RYR2: variants seen among roughly 807,000 people sequenced by gnomAD.
RYR2 encodes cardiac muscle ryanodine receptor-calcium release channel.
In RYR2, 227 loss-of-function variants were observed where a neutral mutation model predicts 601.1. That is an observed-to-expected ratio of 0.38 (90% CI 0.34 to 0.42). The LOEUF is 0.42. Among genes scored for constraint, RYR2 ranks in the 10% least tolerant of loss-of-function variants. The pLI, the probability that RYR2 is intolerant of heterozygous loss-of-function variation, is 1.00. For missense variants in RYR2, 4,646 were observed against 6,156.5 expected, an observed-to-expected ratio of 0.75 and a Z score of 8.21; for synonymous variants, 2,223 against 2,175.1, an observed-to-expected ratio of 1.02 and a Z score of -0.61.
At chr1:237,488,896 G>A (rs778104138) in intron 17 of RYR2, among the ~76,000 whole-genome samples, 12 of 152,118 alleles carry the variant, frequency 7.9e-5, no homozygotes, top group Non-Finnish European at 1.5e-4. Context: ...ACGGACGCGC[G>A]TGACAACCAT....
rs563407194 is a variant in RYR2 at position 237,257,923 on chromosome 1, G to T, written c.49-12574G>T. 8.5e-5 allele frequency among the ~76,000 whole-genome samples: 13 copies of T among 152,204 alleles called. No homozygotes were observed. The East Asian group carries it at 2.5e-3, about 29-fold the overall frequency. On this transcript the variant is annotated intron_variant, in intron 1 of 104. Transcript: ENST00000366574. ...TCACGCCTGTAATCCCAGCACTTTG[G>T]GAGGCCAAGGCGGGCAGATCACCTG... is the stretch of plus-strand genomic sequence containing the variant.
Position 237,698,458 on chromosome 1 carries a change from A to T in RYR2, c.9068-507A>T, listed in dbSNP as rs1045359847. 3.9e-5 allele frequency among the ~76,000 whole-genome samples: 6 copies of T among 152,086 alleles called. No individual in the cohort carries two copies. The East Asian group carries it at 1.2e-3, about 29-fold the overall frequency. ...TTGGTTTTTGCCAAAGACCAATAACATTCAAGGAAATTAATTTACCTTCAT... is the reference window on the plus strand; with the variant it reads ...TTGGTTTTTGCCAAAGACCAATAACTTTCAAGGAAATTAATTTACCTTCAT... On this transcript the variant is annotated intron_variant, in intron 63 of 104. Coordinates refer to ENST00000366574, the MANE Select transcript of RYR2 (RefSeq NM_001035.3).
intron 83 of RYR2, 144 bp from the exon 84 acceptor site, chr1:237,760,811 A>AAGCAATGAATGG: frequency 1.6e-6 from 1 of 630,590 alleles, no homozygotes. Flanking sequence ...TACGGTTGGT[A>AAGCAATGAATGG]CGCAATGAAT....
At position 237,706,833 on chromosome 1, in the gene RYR2, C is replaced by T; in HGVS notation, c.9581-116C>T. The T allele has an allele frequency of 5.0e-6, 4 of 795,898 alleles. No homozygotes were observed. In the South Asian group the frequency reaches 6.4e-5, roughly 13 times the overall value. 49.3% of individuals were successfully genotyped at this position (795,898 alleles called of 1,614,324 possible). A position where few individuals can be genotyped will look rare whatever the true frequency, so the allele number is the denominator to read the frequency against. On this transcript the variant is annotated intron_variant, in intron 67 of 104. Transcript: ENST00000366574. ...CACAGGAGAAGGAGCCAGTTGCAGG[C>T]ATGCCACGTCTTGCTAAATTTTGAA...
At chr1:237,257,178 G>A (rs1461276182) in intron 1 of RYR2, among the ~76,000 whole-genome samples, 1 of 152,116 alleles carries the variant, frequency 6.6e-6, no homozygotes, top group Non-Finnish European at 1.5e-5. Flanking sequence ...TTGAGGCTAG[G>A]AGCATAGATT....
intron 2 of RYR2, among the ~76,000 whole-genome samples, chr1:237,288,419 G>A (rs1244163879): frequency 2.0e-5 from 3 of 151,844 alleles, no homozygotes; most frequent in African/African-American, 7.3e-5. Flanking sequence ...GTGGATAGGG[G>A]AGGACCATCA....
intron 38 of RYR2, among the ~76,000 whole-genome samples, chr1:237,622,498 T>C (rs564389896): frequency 6.6e-6 from 1 of 152,228 alleles, no homozygotes; most frequent in South Asian, 2.1e-4. Flanking sequence ...GTATGAAACA[T>C]AGATGAATTT....
intron 27 of RYR2, among the ~76,000 whole-genome samples, chr1:237,560,737 A>G (rs556603489): frequency 1.9e-3 from 289 of 152,246 alleles, no homozygotes; most frequent in Non-Finnish European, 3.4e-3. Flanking sequence ...AATTCTGTGG[A>G]GAAGAGGATT....
At chr1:237,136,804 C>T (rs1672832041) in intron 1 of RYR2, among the ~76,000 whole-genome samples, 1 of 151,934 alleles carries the variant, frequency 6.6e-6, no homozygotes, top group Non-Finnish European at 1.5e-5. Context: ...TCTCCTGAGG[C>T]TAGGAGTTCA....
intron 2 of RYR2, among the ~76,000 whole-genome samples, chr1:237,310,833 T>A (rs1314320566): frequency 1.3e-5 from 2 of 152,234 alleles, no homozygotes; most frequent in African/African-American, 4.8e-5. Context: ...CTACACAGTT[T>A]GACTCTCTTT....
chr1:237,827,627 CAAA>C (rs55896893), intron 101 of RYR2, among the ~76,000 whole-genome samples: 25 of 79,444 alleles, frequency 3.1e-4, no homozygotes, highest in South Asian at 8.5e-4. Flanking sequence ...AAGACTGTCT[CAAA>C]AAAAAAAAAA....
chr1:237,555,435 G>A (rs1462233330), intron 27 of RYR2, among the ~76,000 whole-genome samples: 3 of 152,000 alleles, frequency 2.0e-5, no homozygotes, highest in Non-Finnish European at 4.4e-5. Context: ...CTTATATAAT[G>A]ATAAAGATAA....
In RYR2 at chr1:237,569,192, A is replaced by G; in HGVS notation, c.3471A>G (p.Gln1157=). 6.2e-7 allele frequency: 1 copy of G among 1,613,930 alleles called. No individual in the cohort carries two copies. The highest frequency in any genetic ancestry group is 8.5e-7 in the Non-Finnish European group (1 of 1,179,862). ...QGNEHYGRSW[Q]AGDVVGCMVD... ...ATGAACACTATGGGCGCTCTTGGCA[A>G]GCAGGCGATGTCGTGGGGTGTATGG... The change falls in exon 29 of 105, where the codon CAA becomes CAG. Residue 1157 remains glutamine, a synonymous_variant. Transcript: ENST00000366574.
intron 11 of RYR2, among the ~76,000 whole-genome samples, chr1:237,418,136 G>A (rs915164185): frequency 2.6e-5 from 4 of 152,032 alleles, no homozygotes; most frequent in African/African-American, 7.2e-5. Flanking sequence ...TCCACCTCCC[G>A]GGTTCACACC....
intron 1 of RYR2, among the ~76,000 whole-genome samples, chr1:237,055,865 G>A (rs1429195474): frequency 6.6e-6 from 1 of 152,186 alleles, no homozygotes; most frequent in Non-Finnish European, 1.5e-5. Context: ...AACAAGAAGG[G>A]ATTAGGACGC....
intron 27 of RYR2, among the ~76,000 whole-genome samples, chr1:237,564,761 G>A (rs748472654): frequency 6.6e-6 from 1 of 152,128 alleles, no homozygotes; most frequent in Non-Finnish European, 1.5e-5. Context: ...TTTCTGAAGG[G>A]TTAGCCAGCA....
At chr1:237,268,050 G>T (rs1239589766) in intron 1 of RYR2, among the ~76,000 whole-genome samples, 1 of 152,104 alleles carries the variant, frequency 6.6e-6, no homozygotes. Context: ...TTCTTCCGGG[G>T]CTTACTGAGT....
intron 1 of RYR2, among the ~76,000 whole-genome samples, chr1:237,188,990 C>A (rs1679673409): frequency 6.6e-6 from 1 of 152,158 alleles, no homozygotes; most frequent in Non-Finnish European, 1.5e-5. Context: ...ATCTCCAGGA[C>A]TTTTTCATCT....
At position 237,733,744 on chromosome 1, in the gene RYR2, T is replaced by C; in HGVS notation, c.11079T>C (p.Asp3693=). 1 of 1,604,762 alleles carries C rather than the reference T, an allele frequency of 6.2e-7. No individual in the cohort carries two copies. Among genetic ancestry groups the C allele is most frequent in the Non-Finnish European group, 8.5e-7 (1 of 1,172,464 alleles). Reference sequence around the variant, plus strand: ...ATTTTTTATATATGGCCTATGCAGATATTATGGCAAAGGTAAATAAGTATC... The same window carrying C: ...ATTTTTTATATATGGCCTATGCAGACATTATGGCAAAGGTAAATAAGTATC... The part of the protein sequence containing the change: ...EEDFLYMAYA[D]IMAKSCHDEE... The change falls in exon 79 of 105, where the codon GAT becomes GAC. Residue 3693 remains aspartate (D), a synonymous_variant. Transcript: ENST00000366574.
Sources: gnomAD v4.1 joint callset for allele counts (sites outside exome capture counted in the v4.1 genomes callset) on GRCh38, gnomAD v4.1.1 for gene constraint, MANE v1.5 for transcripts, NCBI Gene and HGNC (gene_info 2026-07-23, HGNC 2026-07-21) for gene names.